The following GSG1L variants were observed in gnomAD, a reference collection of about 807,000 sequenced individuals.
GSG1L encodes the protein germ cell-specific gene 1-like protein.
Under a neutral mutation model 42.1 loss-of-function variants are expected in GSG1L, and 24 were observed. That is an observed-to-expected ratio of 0.57 (90% CI 0.41 to 0.80). The LOEUF (loss-of-function observed/expected upper bound fraction) is 0.80. Among genes scored for constraint, GSG1L ranks in the 30% least tolerant of loss-of-function variants. GSG1L has a pLI of 0.00. For missense variants in GSG1L, 445 were observed against 472.2 expected (o/e 0.94, Z 0.53); for synonymous variants, 215 against 203.5 (o/e 1.06, Z -0.48).
At chr16:28,042,260 AC>A (rs750268801) in intron 1 of GSG1L, among the ~76,000 whole-genome samples, 9 of 151,984 alleles carry the variant, frequency 5.9e-5, no homozygotes, top group Non-Finnish European at 1.3e-4. Flanking sequence ...ACATGGTGAA[AC>A]CCTGTCTCTA....
At chr16:27,856,143 T>C (rs2083574625) in intron 3 of GSG1L, among the ~76,000 whole-genome samples, 1 of 150,732 alleles carries the variant, frequency 6.6e-6, no homozygotes, top group African/African-American at 2.5e-5. Context: ...ATCTACCAGA[T>C]GCCAGGAATG....
chr16:27,903,502 C>A (rs1367319846), intron 2 of GSG1L, among the ~76,000 whole-genome samples: 1 of 152,318 alleles, frequency 6.6e-6, no homozygotes, highest in East Asian at 1.9e-4. Flanking sequence ...TCACTTTCCT[C>A]TGATGTGTGT....
intron 1 of GSG1L, among the ~76,000 whole-genome samples, chr16:27,969,152 C>T (rs116097034): frequency 1.9e-3 from 282 of 152,162 alleles, no homozygotes; most frequent in African/African-American, 6.5e-3. Context: ...ATAAAGTGTA[C>T]AATTCAATGG....
At chr16:27,902,687 G>A (rs2141043855) in intron 2 of GSG1L, among the ~76,000 whole-genome samples, 1 of 152,342 alleles carries the variant, frequency 6.6e-6, no homozygotes, top group Admixed American at 6.5e-5. Flanking sequence ...CAGGCAGGGT[G>A]TGATCACATC....
chr16:28,056,623 A>T (rs1445095763), intron 1 of GSG1L, among the ~76,000 whole-genome samples: 5 of 151,910 alleles, frequency 3.3e-5, no homozygotes, highest in African/African-American at 1.2e-4. Context: ...TATAATAAAA[A>T]ATATATATTA....
chr16:27,794,302 G>C (rs2082792091), intron 6 of GSG1L, among the ~76,000 whole-genome samples: 2 of 151,572 alleles, frequency 1.3e-5, no homozygotes, highest in Non-Finnish European at 2.9e-5. Flanking sequence ...ACAGGTGTGA[G>C]TCACCATGCC....
chr16:27,997,016 C>G (rs2085521247), intron 1 of GSG1L, among the ~76,000 whole-genome samples: 1 of 152,208 alleles, frequency 6.6e-6, no homozygotes, highest in South Asian at 2.1e-4. Context: ...CCCACCTCGG[C>G]CTCCCAAAGT....
chr16:27,916,234 C>T lies in GSG1L; in HGVS notation c.398-31596G>A, dbSNP rs140489701. On this transcript the variant is annotated intron_variant, in intron 2 of 6. Coordinates refer to ENST00000447459, the MANE Select transcript of GSG1L (RefSeq NM_001109763.2). ...TGGGGAGACCACACCCCTTCCATGC[C>T]ATTTCCCTTACTCTGCCCTCTGTGT... Among the ~76,000 whole-genome samples, 272 of 152,308 alleles carry T rather than the reference C, an allele frequency of 1.8e-3. 1 individual carries two copies. The highest frequency in any genetic ancestry group is 3.4e-3 in the Middle Eastern group (1 of 294).
At chr16:28,028,210 A>G (rs553655539) in intron 1 of GSG1L, among the ~76,000 whole-genome samples, 2 of 152,128 alleles carry the variant, frequency 1.3e-5, no homozygotes, top group Non-Finnish European at 2.9e-5. Context: ...CAATTTCCTT[A>G]TCTAGCCAGT....
At chr16:28,050,335 C>T (rs1247855025) in intron 1 of GSG1L, among the ~76,000 whole-genome samples, 1 of 152,252 alleles carries the variant, frequency 6.6e-6, no homozygotes, top group East Asian at 1.9e-4. Flanking sequence ...TGCACACCAC[C>T]ACGTCTGGCT....
intron 2 of GSG1L, among the ~76,000 whole-genome samples, chr16:27,919,543 G>A (rs1404479958): frequency 6.6e-6 from 1 of 152,224 alleles, no homozygotes; most frequent in African/African-American, 2.4e-5. Context: ...ACACCCAGGA[G>A]AAGGAGAGCT....
chr16:27,804,037 G>GGATAGATA (rs557443110), intron 6 of GSG1L, among the ~76,000 whole-genome samples: 55 of 132,782 alleles, frequency 4.1e-4, no homozygotes, highest in South Asian at 1.2e-3. Context: ...TAGATTAGAT[G>GGATAGATA]GATAGATAGA....
Position 28,059,050 on chromosome 16 carries a change from G to A in GSG1L, c.349+4026C>T, listed in dbSNP as rs1268121832. 1.3e-5 allele frequency among the ~76,000 whole-genome samples: 2 copies of A among 152,180 alleles called. No individual in the cohort carries two copies. The highest frequency in any genetic ancestry group is 2.9e-5 in the Non-Finnish European group (2 of 68,020). On this transcript the variant is annotated intron_variant, in intron 1 of 6. Transcript: ENST00000447459. The surrounding 1 kb of genome is among the most constrained non-coding windows in gnomAD (Gnocchi z 4.4). The stretch of plus-strand genomic sequence containing the variant: ...TCCATGGGAGACACGGGTGGCTGTG[G>A]GTGGCTCAGCCCAGGGTGGCGGCAA...
At chr16:27,804,639 G>A (rs537093112) in intron 6 of GSG1L, among the ~76,000 whole-genome samples, 3 of 146,920 alleles carry the variant, frequency 2.0e-5, no homozygotes, top group South Asian at 2.2e-4. Flanking sequence ...AGATGAAATC[G>A]TTCAGACTGT....
chr16:28,045,398 A>G (rs752557817), intron 1 of GSG1L, among the ~76,000 whole-genome samples: 9 of 152,208 alleles, frequency 5.9e-5, no homozygotes, highest in Non-Finnish European at 1.3e-4. Flanking sequence ...TGTATTGGCC[A>G]GAAGCGGTGG....
chr16:27,867,113 G>C (rs369559010), intron 3 of GSG1L, among the ~76,000 whole-genome samples: 219 of 152,294 alleles, frequency 1.4e-3, no homozygotes, highest in African/African-American at 5.1e-3. Context: ...CTTGATGTCT[G>C]TGGTACTAGG....
chr16:27,829,077 G>A, intron 4 of GSG1L, 121 bp from the exon 5 acceptor site: 1 of 882,978 alleles, frequency 1.1e-6, no homozygotes, highest in Non-Finnish European at 1.7e-6. Flanking sequence ...TACTTAAGCA[G>A]TTACTGCCAC....
chr16:27,829,120 C>T (rs577529977), intron 4 of GSG1L, among the ~76,000 whole-genome samples, 164 bp from the exon 5 acceptor site: 1 of 152,162 alleles, frequency 6.6e-6, no homozygotes, highest in Non-Finnish European at 1.5e-5. Flanking sequence ...CTGCCCCACT[C>T]GCAGTCTGGG....
intron 3 of GSG1L, chr16:27,863,375 A>C (rs1175764192): frequency 6.6e-6 from 1 of 152,186 alleles, no homozygotes; most frequent in African/African-American, 2.4e-5. Flanking sequence ...AATTCTATTG[A>C]ATCAGATAAC....
Sources: gnomAD v4.1 joint callset for allele counts (sites outside exome capture counted in the v4.1 genomes callset) on GRCh38, gnomAD v4.1.1 for gene constraint, Gnocchi (gnomAD v3.1) non-coding constraint, MANE v1.5 for transcripts, NCBI Gene and HGNC (gene_info 2026-07-23, HGNC 2026-07-21) for gene names.